ERVFRD-1: variants seen among roughly 807,000 people sequenced by gnomAD.
The protein encoded by ERVFRD-1 is endogenous retrovirus group FRD member 1, envelope, also known as syncytin-2.
Under a neutral mutation model 43.8 loss-of-function variants are expected in ERVFRD-1, and 33 were observed. That is an observed-to-expected ratio of 0.75 (90% CI 0.57 to 1.01). The LOEUF (loss-of-function observed/expected upper bound fraction) is 1.01. ERVFRD-1 is among the 50% of genes least tolerant of loss of function. ERVFRD-1 has a pLI of 0.00. For missense variants in ERVFRD-1, 568 were observed against 658.4 expected (o/e 0.86, Z 1.50); for synonymous variants, 239 against 244.4 (o/e 0.98, Z 0.21).
Position 11,103,982 on chromosome 6 carries a change from A to G in ERVFRD-1, c.1329T>C (p.Asn443=). The G allele has an allele frequency of 6.4e-7, 1 of 1,551,622 alleles. No individual in the cohort carries two copies. The highest frequency in any genetic ancestry group is 8.7e-7 in the Non-Finnish European group (1 of 1,146,986). ...TGTTGTCTTGTACTTTTCCTGATTG[A>G]TTTACCCAAAAGCAACATTTTTCAT... The part of the protein sequence containing the change: ...ALDEKCCFWV[N]QSGKVQDNIR... The change falls in exon 2 of 2, where the codon AAT becomes AAC. Residue 443 remains asparagine (N), a synonymous_variant. Coordinates refer to ENST00000472091, the MANE Select transcript of ERVFRD-1 (RefSeq NM_207582.3).
rs929832498 is a variant in ERVFRD-1 at position 11,103,585 on chromosome 6, C to G, written c.*109G>C. 1 of 1,433,228 alleles carries G rather than the reference C, an allele frequency of 7.0e-7. No individual in the cohort carries two copies. Among genetic ancestry groups the G allele is most frequent in the African/African-American group, 1.4e-5 (1 of 69,796 alleles). 88.8% of individuals were successfully genotyped at this position (1,433,228 alleles called of 1,614,324 possible). A position where few individuals can be genotyped will look rare whatever the true frequency, so the allele number is the denominator to read the frequency against. ...CTTGGCCTCTTGCTAGCTGTCAGGG[C>G]AGGATGGCTCTGTGGATTGGCAAAA... On this transcript the variant is annotated 3_prime_UTR_variant, in exon 2 of 2. Coordinates refer to ENST00000472091, the MANE Select transcript of ERVFRD-1 (RefSeq NM_207582.3).
Position 11,105,008 on chromosome 6 carries a change from A to C in ERVFRD-1, c.303T>G (p.Pro101=). The C allele has an allele frequency of 6.2e-7, 1 of 1,614,244 alleles. No individual in the cohort carries two copies. The highest frequency in any genetic ancestry group is 8.5e-7 in the Non-Finnish European group (1 of 1,180,050). ...SLLSTVKQDF[P]DIRQKPPIFG... ...AAATGGGAGGTTTCTGGCGGATATC[A>C]GGGAAATCTTGCTTTACTGTTGAAA... The change falls in exon 2 of 2, where the codon CCT becomes CCG. Residue 101 remains proline, a synonymous_variant. Coordinates refer to ENST00000472091, the MANE Select transcript of ERVFRD-1 (RefSeq NM_207582.3).
Position 11,104,963 on chromosome 6 carries a change from A to G in ERVFRD-1, c.348T>C (p.Asn116=). The G allele has an allele frequency of 1.9e-6, 3 of 1,614,222 alleles. No homozygotes were observed. The highest frequency in any genetic ancestry group is 2.5e-6 in the Non-Finnish European group (3 of 1,180,038). ...TAGGGGCTATTCCCATTAGGTTGAT[A>G]TTAGTAAAGATGGGTCCGAAAATGG... ...KPPIFGPIFT[N]INLMGIAPIC... Residue 116 remains asparagine, a synonymous_variant, in exon 2 of 2, where the codon AAT becomes AAC. Coordinates refer to ENST00000472091, the MANE Select transcript of ERVFRD-1 (RefSeq NM_207582.3).
rs542244548 is a variant in ERVFRD-1, at chr6:11,104,249, G to T, written c.1062C>A (p.Phe354Leu). 2.5e-4 allele frequency: 383 copies of T among 1,551,722 alleles called. 9 individuals carry two copies. In the South Asian group the frequency reaches 4.2e-3, roughly 17 times the overall value. Residue 354 changes from phenylalanine to leucine, a missense_variant, in exon 2 of 2, where the codon TTC becomes TTA. Transcript: ENST00000472091. ...TGCCGAGTCCCGCGAGAAGGGGAAT[G>T]AAATGGATTGCCCTCCTCACCCTGG... ...PLPRVRRAIH[F>L]IPLLAGLGIL...
Position 11,103,565 on chromosome 6 carries a change from C to A in ERVFRD-1, c.*129G>T. 2 of 1,368,892 alleles carry A rather than the reference C, an allele frequency of 1.5e-6. No individual in the cohort carries two copies. The highest frequency in any genetic ancestry group is 1.9e-6 in the Non-Finnish European group (2 of 1,040,100). The allele number at this position is 1,368,892 out of a possible 1,614,324, so 84.8% of individuals were successfully genotyped here. ...GTAGTGGTTGTTCTGTGGGTCTTGG[C>A]CTCTTGCTAGCTGTCAGGGCAGGAT... On this transcript the variant is annotated 3_prime_UTR_variant, in exon 2 of 2. Transcript: ENST00000472091.
chr6:11,105,523 T>A lies in ERVFRD-1; in HGVS notation c.-213A>T, dbSNP rs1758072731. On this transcript the variant is annotated 5_prime_UTR_variant, in exon 2 of 2. Transcript: ENST00000472091. ...TTTAGATCTTCCAGTGCCTTGCAAG[T>A]GTATTCCGGAGCTGAGGTTGCTGGT... 5.6e-6 allele frequency: 3 copies of A among 537,280 alleles called. No individual in the cohort carries two copies. The Admixed American group carries it at 9.8e-5, about 18-fold the overall frequency. The allele number at this position is 537,280 out of a possible 1,614,324, so 33.3% of individuals were successfully genotyped here. A position where few individuals can be genotyped will look rare whatever the true frequency, so the allele number is the denominator to read the frequency against.
Position 11,107,725 on chromosome 6 carries a change from A to C in ERVFRD-1, c.-320-2095T>G, listed in dbSNP as rs142578981. Among the ~76,000 whole-genome samples the C allele has an allele frequency of 1.8e-4, 27 of 152,328 alleles. No individual in the cohort carries two copies. The East Asian group carries it at 5.2e-3, about 29-fold the overall frequency. On this transcript the variant is annotated intron_variant, in intron 1 of 1. Coordinates refer to ENST00000472091, the MANE Select transcript of ERVFRD-1 (RefSeq NM_207582.3). ...TTGGGTGTATTGGGACTACTGCCTCATTTATGATTCTCAGGTCCTGGACTA... is the reference window on the plus strand; with the variant it reads ...TTGGGTGTATTGGGACTACTGCCTCCTTTATGATTCTCAGGTCCTGGACTA...
At position 11,103,577 on chromosome 6, in the gene ERVFRD-1, T is replaced by TAGA; in HGVS notation, c.*116_*117insTCT. 1 of 1,412,422 alleles carries TAGA rather than the reference T, an allele frequency of 7.1e-7. No individual in the cohort carries two copies. Among genetic ancestry groups the TAGA allele is most frequent in the East Asian group, 2.5e-5 (1 of 39,974 alleles). The allele number at this position is 1,412,422 out of a possible 1,614,324, so 87.5% of individuals were successfully genotyped here. On this transcript the variant is annotated 3_prime_UTR_variant, in exon 2 of 2. Transcript: ENST00000472091. ...CTGTGGGTCTTGGCCTCTTGCTAGC[T>TAGA]GTCAGGGCAGGATGGCTCTGTGGAT...
intron 1 of ERVFRD-1, among the ~76,000 whole-genome samples, chr6:11,110,696 T>TA (rs1197627137): frequency 9.2e-5 from 14 of 152,158 alleles, no homozygotes; most frequent in African/African-American, 3.4e-4. Context: ...GCAAGAGGAA[T>TA]ACTCATGGAA....
chr6:11,110,535 G>A lies in ERVFRD-1; in HGVS notation c.-321+1142C>T, dbSNP rs370682422. Among the ~76,000 whole-genome samples, 6 of 152,260 alleles carry A rather than the reference G, an allele frequency of 3.9e-5. No individual in the cohort carries two copies. The South Asian group carries it at 1.2e-3, about 32-fold the overall frequency. ...CTCTCCCTTCAAATATAACTTTGAA[G>A]GTCCTGATACATATTGAGAAGGGCC... is the stretch of plus-strand genomic sequence containing the variant. On this transcript the variant is annotated intron_variant, in intron 1 of 1. Transcript: ENST00000472091.
At chr6:11,108,943 A>C (rs1157861730) in intron 1 of ERVFRD-1, among the ~76,000 whole-genome samples, 1 of 152,168 alleles carries the variant, frequency 6.6e-6, no homozygotes, top group East Asian at 1.9e-4. Context: ...GTCAAGCCCA[A>C]TTTATTACAG....
intron 1 of ERVFRD-1, among the ~76,000 whole-genome samples, chr6:11,108,184 AGAG>A (rs1258615269): frequency 1.3e-5 from 2 of 152,246 alleles, no homozygotes; most frequent in African/African-American, 2.4e-5. Context: ...GAGACAGCAC[AGAG>A]GAGGAGTAAA....
chr6:11,105,705 T>C, intron 1 of ERVFRD-1, 75 bp from the exon 2 acceptor site: 1 of 188,330 alleles, frequency 5.3e-6, no homozygotes. Context: ...GGTTCCATCC[T>C]TCCAGGCGTT....
intron 1 of ERVFRD-1, among the ~76,000 whole-genome samples, chr6:11,109,457 G>T (rs1164901478): frequency 6.6e-6 from 1 of 152,096 alleles, no homozygotes; most frequent in Admixed American, 6.6e-5. Context: ...GGTAGAAGGG[G>T]CAATGGGGCT....
intron 1 of ERVFRD-1, among the ~76,000 whole-genome samples, chr6:11,106,234 G>A (rs1758080788): frequency 6.6e-6 from 1 of 152,148 alleles, no homozygotes; most frequent in South Asian, 2.1e-4. Context: ...TGTGAGGCAG[G>A]CTTCTACCCA....
intron 1 of ERVFRD-1, among the ~76,000 whole-genome samples, chr6:11,106,952 C>T (rs1758093532): frequency 6.6e-6 from 1 of 152,194 alleles, no homozygotes; most frequent in African/African-American, 2.4e-5. Context: ...TTTGTATATA[C>T]TCCTTTTCTT....
chr6:11,107,086 C>T (rs1424101081), intron 1 of ERVFRD-1, among the ~76,000 whole-genome samples: 1 of 152,200 alleles, frequency 6.6e-6, no homozygotes, highest in Admixed American at 6.5e-5. Context: ...GCATATCTAG[C>T]TCTATCCCTG....
rs747563224 is a variant in ERVFRD-1 at position 11,104,637 on chromosome 6, G to A, written c.674C>T (p.Ala225Val). ...CLQISNLSST[A>V]EWVLLDQTRN... Reference sequence around the variant, plus strand: ...AGTTTGGTCCAATAGAACCCATTCCGCTGTAGAGCTGAGGTTGGAAATTTG... The same window carrying A: ...AGTTTGGTCCAATAGAACCCATTCCACTGTAGAGCTGAGGTTGGAAATTTG... The change falls in exon 2 of 2, where the codon GCG (alanine) becomes GTG (valine). Residue 225 changes from alanine to valine, a missense_variant. Physicochemically the swap from Ala to Val is moderately conservative, Grantham distance 64 (BLOSUM62 0). Transcript: ENST00000472091. The A allele has an allele frequency of 7.4e-6, 12 of 1,614,058 alleles. No individual in the cohort carries two copies. Among genetic ancestry groups the A allele is most frequent in the African/African-American group, 2.7e-5 (2 of 74,894 alleles).
rs1464309883 is a variant in ERVFRD-1, at chr6:11,104,790, T to A, written c.521A>T (p.Lys174Ile). Residue 174 changes from lysine to isoleucine, a missense_variant, in exon 2 of 2, where the codon AAA (lysine) becomes ATA (isoleucine). By Grantham distance (102) the Lys-to-Ile change is moderately radical. Coordinates refer to ENST00000472091, the MANE Select transcript of ERVFRD-1 (RefSeq NM_207582.3). Reference sequence around the variant, plus strand: ...CTGAGGAAAAGTAATATTTGGAGGTTTGGGGAATCTTGGTTGATGGCGGAA... The same window carrying A: ...CTGAGGAAAAGTAATATTTGGAGGTATGGGGAATCTTGGTTGATGGCGGAA... ...NQFRHQPRFP[K>I]PPNITFPQGT... 1 of 1,614,196 alleles carries A rather than the reference T, an allele frequency of 6.2e-7. No homozygotes were observed. The highest frequency in any genetic ancestry group is 8.5e-7 in the Non-Finnish European group (1 of 1,180,028).
Sources: allele counts gnomAD v4.1 joint callset (sites outside exome capture counted in the v4.1 genomes callset), GRCh38; gene constraint gnomAD v4.1.1; transcripts MANE v1.5; gene names NCBI Gene and HGNC (gene_info 2026-07-23, HGNC 2026-07-21).